Variants in RTL4 observed in about 807,000 individuals in gnomAD.
RTL4 encodes retrotransposon Gag like 4, also known as retrotransposon Gag-like protein 4.
RTL4 carries 4 observed loss-of-function variants against 5.3 expected under a neutral mutation model. The observed-to-expected ratio is 0.75, with a 90% CI of 0.37 to 1.72. The LOEUF (loss-of-function observed/expected upper bound fraction) is 1.72, where lower values mean the gene tolerates loss of function less well. RTL4 is among the 40% of genes most tolerant of loss of function. RTL4 has a pLI of 0.04. For missense variants in RTL4, 260 were observed against 227.1 expected, an observed-to-expected ratio of 1.14 and a Z score of -0.93; for synonymous variants, 98 against 87.3, an observed-to-expected ratio of 1.12 and a Z score of -0.68.
the RTL4 span, among the ~76,000 whole-genome samples, chrX:112,108,097 C>T: frequency 1.8e-5 from 2 of 111,235 alleles, no homozygotes; most frequent in Non-Finnish European, 3.8e-5. Context: ...TGTGGATGCT[C>T]TCTGCTGCAT....
the RTL4 span, among the ~76,000 whole-genome samples, chrX:112,337,764 T>C: frequency 5.4e-5 from 6 of 111,128 alleles, no homozygotes; most frequent in Non-Finnish European, 9.4e-5. Context: ...GATATAGGGT[T>C]GTTTCTACTG....
chrX:112,143,189 C>G, the RTL4 span, among the ~76,000 whole-genome samples: 1 of 111,332 alleles, frequency 9.0e-6, no homozygotes, highest in Non-Finnish European at 1.9e-5. Context: ...ATAGTTAGAG[C>G]TGAAGATGTA....
the RTL4 span, among the ~76,000 whole-genome samples, chrX:112,248,844 T>C: frequency 8.9e-6 from 1 of 112,310 alleles, no homozygotes; most frequent in African/African-American, 3.2e-5. Flanking sequence ...TCATTATTTT[T>C]AGCTGAGTAG....
At chrX:112,423,251 G>C in the RTL4 span, among the ~76,000 whole-genome samples, 3 of 110,120 alleles carry the variant, frequency 2.7e-5, no homozygotes, top group African/African-American at 9.9e-5. Flanking sequence ...CGATGCATGT[G>C]GATTATGGAT....
the RTL4 span, among the ~76,000 whole-genome samples, chrX:112,431,604 C>T: frequency 8.9e-6 from 1 of 111,758 alleles, no homozygotes; most frequent in Non-Finnish European, 1.9e-5. Context: ...CTGTCTGTCT[C>T]TCTAATTTAG....
chrX:112,284,400 A>ATATAT, the RTL4 span, among the ~76,000 whole-genome samples: 1 of 110,614 alleles, frequency 9.0e-6, no homozygotes, highest in Admixed American at 9.7e-5. Context: ...CATCAACTGT[A>ATATAT]ACATACTATA....
chrX:112,303,170 T>C, the RTL4 span, among the ~76,000 whole-genome samples: 14 of 112,148 alleles, frequency 1.2e-4, no homozygotes, highest in Non-Finnish European at 3.8e-5. Flanking sequence ...TATTTCATTG[T>C]TTATATTACA....
chrX:112,431,561 CT>C, the RTL4 span, among the ~76,000 whole-genome samples: 1 of 111,129 alleles, frequency 9.0e-6, no homozygotes, highest in Non-Finnish European at 1.9e-5. Flanking sequence ...TCCTGGGTTT[CT>C]GCTTTTGTAT....
chrX:112,372,007 G>T, the RTL4 span, among the ~76,000 whole-genome samples: 1 of 111,442 alleles, frequency 9.0e-6, no homozygotes, highest in Non-Finnish European at 1.9e-5. Flanking sequence ...ATACATAAAA[G>T]TATACAAATG....
chrX:112,317,387 T>C, the RTL4 span, among the ~76,000 whole-genome samples: 1 of 112,071 alleles, frequency 8.9e-6, no homozygotes, highest in Admixed American at 9.5e-5. Context: ...CTGGCATGTA[T>C]TCTTTACTGG....
chrX:112,421,984 G>A, the RTL4 span, among the ~76,000 whole-genome samples: 2 of 111,885 alleles, frequency 1.8e-5, no homozygotes, highest in Non-Finnish European at 3.8e-5. Flanking sequence ...AGACAGTTTA[G>A]CCCAACAAAA....
chrX:112,383,183 A>G, the RTL4 span, among the ~76,000 whole-genome samples: 14 of 111,822 alleles, frequency 1.3e-4, no homozygotes, highest in Non-Finnish European at 1.9e-5. Flanking sequence ...CCCATTTAGT[A>G]TAACTGTATA....
chrX:112,406,482 G>A, the RTL4 span, among the ~76,000 whole-genome samples: 1 of 111,018 alleles, frequency 9.0e-6, no homozygotes, highest in Non-Finnish European at 1.9e-5. Context: ...TCACTATCAT[G>A]AGGACAGTAT....
chrX:112,396,683 G>A, the RTL4 span, among the ~76,000 whole-genome samples: 18 of 107,519 alleles, frequency 1.7e-4, no homozygotes, highest in African/African-American at 5.3e-4. Flanking sequence ...CAATATTGAC[G>A]CATTATTATT....
chrX:112,135,519 G>T, the RTL4 span, among the ~76,000 whole-genome samples: 2 of 111,213 alleles, frequency 1.8e-5, no homozygotes, highest in African/African-American at 6.5e-5. Context: ...AAGAGAAGGA[G>T]TTGTAATTTT....
the RTL4 span, among the ~76,000 whole-genome samples, chrX:112,147,615 T>C: frequency 9.0e-6 from 1 of 111,657 alleles, no homozygotes; most frequent in Admixed American, 9.5e-5. Flanking sequence ...TTAAAACAAA[T>C]TGGGTTTATC....
the RTL4 span, among the ~76,000 whole-genome samples, chrX:112,353,017 G>A: frequency 8.9e-6 from 1 of 111,828 alleles, no homozygotes; most frequent in South Asian, 3.7e-4. Flanking sequence ...CAAAAAGTGG[G>A]CAAAGGATAT....
upstream of RTL4, among the ~76,000 whole-genome samples, chrX:112,454,105 G>A (rs138792114): frequency 5.7e-3 from 634 of 111,670 alleles, 3 homozygotes; most frequent in Non-Finnish European, 9.9e-3. Flanking sequence ...ACTCTCTGAT[G>A]GAAAAAAGAT....
the RTL4 span, among the ~76,000 whole-genome samples, chrX:112,256,154 C>A: frequency 2.2e-4 from 25 of 111,537 alleles, no homozygotes; most frequent in Non-Finnish European, 4.2e-4. Flanking sequence ...CACTAAATTC[C>A]ATTTTTGTTT....
Sources: gnomAD v4.1 joint callset for allele counts (sites outside exome capture counted in the v4.1 genomes callset) on GRCh38, gnomAD v4.1.1 for gene constraint, MANE v1.5 for transcripts, NCBI Gene and HGNC (gene_info 2026-07-23, HGNC 2026-07-21) for gene names.